Variants in RALGPS1 observed in about 807,000 individuals in gnomAD.
RALGPS1 encodes the protein ras-specific guanine nucleotide-releasing factor RalGPS1.
Under a neutral mutation model 78.8 loss-of-function variants are expected in RALGPS1, and 19 were observed. The ratio of observed to expected loss-of-function variants is 0.24; its 90% CI spans 0.17 to 0.35. The LOEUF (loss-of-function observed/expected upper bound fraction) is 0.35. Ranked by LOEUF, RALGPS1 falls within the 10% of genes least tolerant of loss-of-function variation. The probability of loss-of-function intolerance (pLI) is 1.00; values close to 1 mark genes in which losing one functional copy is unlikely to be tolerated. For missense variants in RALGPS1, 454 were observed against 688.3 expected, an observed-to-expected ratio of 0.66 and a Z score of 3.81; for synonymous variants, 228 against 256.3, an observed-to-expected ratio of 0.89 and a Z score of 1.06.
Position 127,195,313 on chromosome 9 carries a change from C to A in RALGPS1, c.1037+96C>A, listed in dbSNP as rs937097641. Reference sequence around the variant, plus strand: ...GAATCACTTGCTGGCTGGGTCCCTCCCCTGCCCTGTTCTGGGAGTTGCTGA... The same window carrying A: ...GAATCACTTGCTGGCTGGGTCCCTCACCTGCCCTGTTCTGGGAGTTGCTGA... On this transcript the variant is annotated intron_variant, in intron 12 of 18. Transcript: ENST00000259351. The A allele has an allele frequency of 2.7e-6, 4 of 1,487,686 alleles. No homozygotes were observed. The Admixed American group carries it at 5.6e-5, about 21-fold the overall frequency. 92.2% of individuals were successfully genotyped at this position (1,487,686 alleles called of 1,614,324 possible). A position where few individuals can be genotyped will look rare whatever the true frequency, so the allele number is the denominator to read the frequency against.
chr9:127,138,263 G>A (rs567974298), intron 8 of RALGPS1, among the ~76,000 whole-genome samples: 1 of 152,202 alleles, frequency 6.6e-6, no homozygotes, highest in Non-Finnish European at 1.5e-5. Flanking sequence ...TCGTTTATCA[G>A]TGAGGAAACT....
chr9:127,102,925 G>A (rs1232118574), intron 8 of RALGPS1, among the ~76,000 whole-genome samples: 1 of 152,248 alleles, frequency 6.6e-6, no homozygotes, highest in Non-Finnish European at 1.5e-5. Context: ...GGAGGCAGGA[G>A]ACCTGTGTGG....
intron 8 of RALGPS1, among the ~76,000 whole-genome samples, chr9:127,120,116 G>A (rs2055892397): frequency 6.6e-6 from 1 of 152,156 alleles, no homozygotes; most frequent in South Asian, 2.1e-4. Flanking sequence ...ACTTGGTGAT[G>A]GCCATTCCTT....
At chr9:127,159,882 CAGG>C (rs1269151304) in intron 8 of RALGPS1, among the ~76,000 whole-genome samples, 2 of 151,908 alleles carry the variant, frequency 1.3e-5, no homozygotes, top group Non-Finnish European at 2.9e-5. Flanking sequence ...TAAGGCAGAG[CAGG>C]AGAACATGGA....
At chr9:127,009,852 G>A (rs780424539) in intron 4 of RALGPS1, among the ~76,000 whole-genome samples, 2 of 152,160 alleles carry the variant, frequency 1.3e-5, no homozygotes, top group African/African-American at 4.8e-5. Flanking sequence ...ACAGCCCTGG[G>A]TTTGTTGATG....
At position 127,222,254 on chromosome 9, in the gene RALGPS1, A is replaced by G. The variant is rs1337490917; in HGVS notation, c.*3485A>G. 6.6e-6 allele frequency: 1 copy of G among 152,216 alleles called. No individual in the cohort carries two copies. Among genetic ancestry groups the G allele is most frequent in the African/African-American group, 2.4e-5 (1 of 41,450 alleles). 9.4% of individuals were successfully genotyped at this position (152,216 alleles called of 1,614,324 possible). On this transcript the variant is annotated 3_prime_UTR_variant, in exon 19 of 19. Coordinates refer to ENST00000259351, the MANE Select transcript of RALGPS1 (RefSeq NM_014636.3). The stretch of plus-strand genomic sequence containing the variant: ...CTAGTCCTGAGTATAAATCCTGTGC[A>G]TAGATTCCTCTAGAAAGGCATCAAA...
chr9:127,186,635 G>A (rs961811242), intron 11 of RALGPS1, among the ~76,000 whole-genome samples: 6 of 152,272 alleles, frequency 3.9e-5, no homozygotes, highest in African/African-American at 9.6e-5. Context: ...AGTTGAATGG[G>A]AATTCTTCTG....
intron 8 of RALGPS1, among the ~76,000 whole-genome samples, chr9:127,086,924 G>A (rs1251887261): frequency 6.6e-6 from 1 of 152,214 alleles, no homozygotes; most frequent in Non-Finnish European, 1.5e-5. Flanking sequence ...CGCTAATGCA[G>A]GCAAGATGGC....
At chr9:127,114,055 A>G (rs1046744248) in intron 8 of RALGPS1, among the ~76,000 whole-genome samples, 2 of 152,208 alleles carry the variant, frequency 1.3e-5, no homozygotes, top group Non-Finnish European at 2.9e-5. Flanking sequence ...AATAACAACA[A>G]TAAATTGTCA....
At chr9:127,015,374 A>G (rs10115627) in intron 4 of RALGPS1, among the ~76,000 whole-genome samples, 21,339 of 152,192 alleles carry the variant, frequency 0.14, 4,904 homozygotes, top group African/African-American at 0.48. Context: ...AAAATTACGG[A>G]GCATAATGTG....
At chr9:127,044,614 CAGGTTTGTTA>C (rs2047595350) in intron 5 of RALGPS1, among the ~76,000 whole-genome samples, 1 of 151,970 alleles carries the variant, frequency 6.6e-6, no homozygotes, top group East Asian at 1.9e-4. Context: ...GGTACCTGTG[CAGGTTTGTTA>C]CATGAGTATA....
intron 7 of RALGPS1, among the ~76,000 whole-genome samples, chr9:127,062,039 C>T (rs566780419): frequency 5.6e-4 from 85 of 152,196 alleles, no homozygotes; most frequent in African/African-American, 2.0e-3. Flanking sequence ...TGTGCATATG[C>T]ATGTGATTGG....
At chr9:127,111,220 C>T (rs1226256382) in intron 8 of RALGPS1, among the ~76,000 whole-genome samples, 1 of 152,168 alleles carries the variant, frequency 6.6e-6, no homozygotes, top group Non-Finnish European at 1.5e-5. Context: ...GTTGTTTGTT[C>T]CCTTACCTCT....
intron 14 of RALGPS1, among the ~76,000 whole-genome samples, chr9:127,207,318 C>T (rs2061987646): frequency 6.6e-6 from 1 of 152,126 alleles, no homozygotes; most frequent in Middle Eastern, 3.2e-3. Context: ...CCCACAAGCT[C>T]CTGGTCTGGG....
At chr9:126,924,749 A>G (rs518170) in intron 1 of RALGPS1, among the ~76,000 whole-genome samples, 3,563 of 152,352 alleles carry the variant, frequency 0.023, 46 homozygotes, top group Middle Eastern at 0.048. Flanking sequence ...CTACTAGCCC[A>G]TCTGGCCATC....
chr9:126,939,584 C>G (rs933989824), intron 1 of RALGPS1, among the ~76,000 whole-genome samples: 1 of 152,200 alleles, frequency 6.6e-6, no homozygotes, highest in Non-Finnish European at 1.5e-5. Flanking sequence ...GGGTACAATC[C>G]TGTATGCCCA....
At chr9:127,172,183 G>C (rs975641891) in intron 10 of RALGPS1, among the ~76,000 whole-genome samples, 2 of 152,238 alleles carry the variant, frequency 1.3e-5, no homozygotes, top group African/African-American at 4.8e-5. Context: ...CGCATGCCCT[G>C]CATTCCCTCA....
chr9:126,968,869 A>G (rs1248042557), intron 3 of RALGPS1, among the ~76,000 whole-genome samples: 2 of 152,180 alleles, frequency 1.3e-5, no homozygotes, highest in African/African-American at 4.8e-5. Context: ...ATCGACATAG[A>G]GAAACCAGGT....
chr9:127,145,928 T>C (rs1205355962), intron 8 of RALGPS1, among the ~76,000 whole-genome samples: 1 of 152,234 alleles, frequency 6.6e-6, no homozygotes. Flanking sequence ...TTTAATTAAG[T>C]AATTATTCAT....
Sources: gnomAD v4.1 joint callset for allele counts (sites outside exome capture counted in the v4.1 genomes callset) on GRCh38, gnomAD v4.1.1 for gene constraint, MANE v1.5 for transcripts, NCBI Gene and HGNC (gene_info 2026-07-23, HGNC 2026-07-21) for gene names.